CHD5: variants seen among roughly 807,000 people sequenced by gnomAD.
CHD5 encodes chromodomain helicase DNA binding protein 5.
A neutral mutation model predicts 230.3 loss-of-function variants in CHD5; 69 were observed. The observed-to-expected ratio is 0.30, with a 90% CI of 0.25 to 0.37. The LOEUF (loss-of-function observed/expected upper bound fraction) is 0.37. CHD5 is among the 10% of genes least tolerant of loss of function. CHD5 has a pLI of 1.00. For synonymous variants in CHD5, 1,064 were observed against 1,065.9 expected (o/e 1.00, Z 0.03); for missense variants, 1,827 against 2,622.8 (o/e 0.70, Z 6.63).
chr1:6,136,381 A>C, intron 17 of CHD5, 136 bp downstream of exon 17: 1 of 988,154 alleles, frequency 1.0e-6, no homozygotes, highest in Non-Finnish European at 1.5e-6. Context: ...AAGCGGGGAC[A>C]TTGCTAATGC....
chr1:6,151,271 T>C, intron 6 of CHD5, 116 bp from the exon 7 acceptor site: 2 of 1,248,066 alleles, frequency 1.6e-6, no homozygotes, highest in Admixed American at 2.8e-5. Context: ...CAGTGCTCTC[T>C]GTGATTCATC....
chr1:6,150,928 G>T, intron 7 of CHD5, 104 bp downstream of exon 7: 1 of 1,326,224 alleles, frequency 7.5e-7, no homozygotes, highest in Non-Finnish European at 9.9e-7. Context: ...TCCATGCCCC[G>T]CACATCCACC....
chr1:6,150,928 G>A lies in CHD5; in HGVS notation c.994+104C>T, dbSNP rs1434096254. On this transcript the variant is annotated intron_variant, in intron 7 of 41. Coordinates refer to ENST00000262450, the MANE Select transcript of CHD5 (RefSeq NM_015557.3). ...TTCCCACGGGGAGGTTCCATGCCCC[G>A]CACATCCACCCGGCAGGCCGAGAAC... 4.5e-5 allele frequency: 60 copies of A among 1,326,106 alleles called. No individual in the cohort carries two copies. The East Asian group carries it at 6.6e-4, about 15-fold the overall frequency. The allele number at this position is 1,326,106 out of a possible 1,614,324, so 82.1% of individuals were successfully genotyped here.
intron 37 of CHD5, 58 bp from the exon 38 acceptor site, chr1:6,110,048 C>T: frequency 7.1e-7 from 1 of 1,406,354 alleles, no homozygotes; most frequent in South Asian, 1.5e-5. Flanking sequence ...ACCCTCCGTG[C>T]TCCACCAGCG....
chr1:6,154,959 C>T lies in CHD5; in HGVS notation c.507-61G>A. ...CAGGTGAGATGAGAGGCCCACCCGA[C>T]CCCCGGCAGGGCCCACCCCTCTGCC... On this transcript the variant is annotated intron_variant, in intron 4 of 41. Coordinates refer to ENST00000262450, the MANE Select transcript of CHD5 (RefSeq NM_015557.3). The surrounding 1 kb of genome is among the most constrained non-coding windows in gnomAD (Gnocchi z 7.0). The T allele has an allele frequency of 6.8e-7, 1 of 1,463,290 alleles. No individual in the cohort carries two copies. Among genetic ancestry groups the T allele is most frequent in the Admixed American group, 1.8e-5 (1 of 54,708 alleles). The allele number at this position is 1,463,290 out of a possible 1,614,324, so 90.6% of individuals were successfully genotyped here.
At chr1:6,136,419 G>A in intron 17 of CHD5, 98 bp downstream of exon 17, 3 of 1,404,304 alleles carry the variant, frequency 2.1e-6, no homozygotes, top group Non-Finnish European at 3.0e-6. Context: ...GGAAGCAACG[G>A]CCGAGCAGGT....
At chr1:6,112,111 G>C in intron 35 of CHD5, 29 bp downstream of exon 35, 1 of 1,608,498 alleles carries the variant, frequency 6.2e-7, no homozygotes, top group Admixed American at 1.7e-5. Flanking sequence ...GGAAGCCTCA[G>C]CTCTCTGCCC....
intron 6 of CHD5, among the ~76,000 whole-genome samples, chr1:6,151,860 A>C (rs1667013478): frequency 6.6e-6 from 1 of 152,156 alleles, no homozygotes; most frequent in African/African-American, 2.4e-5. Context: ...AATGCCCCTC[A>C]CACTCACAGA....
Position 6,134,090 on chromosome 1 carries a change from G to A in CHD5, c.3144+38C>T. 6.3e-7 allele frequency: 1 copy of A among 1,597,890 alleles called. No individual in the cohort carries two copies. The highest frequency in any genetic ancestry group is 1.7e-4 in the Middle Eastern group (1 of 5,874). ...ATCAGGGCAGGATGCTCTCTGTGGG[G>A]TGTGGAGCCGGGGCGGGGGTGGGCA... On this transcript the variant is annotated intron_variant, in intron 20 of 41. Transcript: ENST00000262450. This position sits in a 1 kb window ranked among gnomAD's most constrained non-coding sequence, Gnocchi z 6.3.
intron 17 of CHD5, 60 bp downstream of exon 17, chr1:6,136,457 G>A (rs7513548): frequency 0.43 from 688,999 of 1,594,072 alleles, 156,087 homozygotes; most frequent in East Asian, 0.83. Context: ...CTATTGATCC[G>A]TCTTCACTGG....
chr1:6,135,320 T>C lies in CHD5; in HGVS notation c.2780A>G (p.His927Arg). ...GTCAGCCTTGAGCCGCCTGAGCATG[T>C]GCGGCCCCAGCAGGTCATGCAGCTT... ...IKKLHDLLGP[H>R]MLRRLKADVF... The change falls in exon 18 of 42, where the codon CAC (histidine) becomes CGC (arginine). Residue 927 changes from histidine to arginine, a missense_variant. Physicochemically the swap from His to Arg is conservative, Grantham distance 29. This residue lies in a region of CHD5 where 52 missense variants were observed against 164.5 expected (regional missense o/e 0.32). Coordinates refer to ENST00000262450, the MANE Select transcript of CHD5 (RefSeq NM_015557.3). The C allele has an allele frequency of 6.2e-7, 1 of 1,614,130 alleles. No individual in the cohort carries two copies. The highest frequency in any genetic ancestry group is 8.5e-7 in the Non-Finnish European group (1 of 1,180,028).
Position 6,124,031 on chromosome 1 carries a change from G to A in CHD5, c.4616C>T (p.Ser1539Leu), listed in dbSNP as rs750463410. The change falls in exon 31 of 42, where the codon TCG becomes TTG. Residue 1539 changes from serine (S) to leucine (L), a missense_variant. Ser to Leu is a moderately radical substitution (Grantham distance 145). Transcript: ENST00000262450. Reference sequence around the variant, plus strand: ...GGGGTCCGAGGAGATCACCTCGCCCGACTTCTTCCCCTCGGGCCCCTCAGG... The same window carrying A: ...GGGGTCCGAGGAGATCACCTCGCCCAACTTCTTCCCCTCGGGCCCCTCAGG... ...LIPEGPEGKK[S>L]GEVISSDPNT... 9 of 1,613,076 alleles carry A rather than the reference G, an allele frequency of 5.6e-6. No individual in the cohort carries two copies. Among genetic ancestry groups the A allele is most frequent in the East Asian group, 4.5e-5 (2 of 44,684 alleles).
intron 16 of CHD5, 22 bp downstream of exon 16, chr1:6,136,706 T>C (rs1192504475): frequency 6.2e-7 from 1 of 1,610,488 alleles, no homozygotes; most frequent in Admixed American, 1.7e-5. Context: ...AGCTCTGGGG[T>C]CTGGCGGCCA....
chr1:6,150,629 G>A (rs968192360), intron 7 of CHD5, among the ~76,000 whole-genome samples: 1 of 152,118 alleles, frequency 6.6e-6, no homozygotes, highest in African/African-American at 2.4e-5. Context: ...GGGACTGAGG[G>A]AAGGAGGGAG....
Position 6,124,668 on chromosome 1 carries a change from T to TGGGGG in CHD5, c.4395-12_4395-8dup. On this transcript the variant is annotated splice_region_variant and splice_polypyrimidine_tract_variant and intron_variant, in intron 29 of 41. Transcript: ENST00000262450. ...GAAGAGGGACACATAGGCTCTGGGGTGGGGGGGGGGGACTGGGGCTCAGGG... is the reference window on the plus strand; with the variant it reads ...GAAGAGGGACACATAGGCTCTGGGGTGGGGGGGGGGGGGGGGACTGGGGCTCAGGG... 2.4e-6 allele frequency: 1 copy of TGGGGG among 424,374 alleles called. No individual in the cohort carries two copies. Among genetic ancestry groups the TGGGGG allele is most frequent in the African/African-American group, 3.3e-5 (1 of 29,894 alleles). The allele number at this position is 424,374 out of a possible 1,614,324, so 26.3% of individuals were successfully genotyped here. A position where few individuals can be genotyped will look rare whatever the true frequency, so the allele number is the denominator to read the frequency against.
chr1:6,115,616 G>A (rs1436546952), intron 33 of CHD5, among the ~76,000 whole-genome samples: 3 of 152,336 alleles, frequency 2.0e-5, no homozygotes. Flanking sequence ...TGCTGAAAAC[G>A]GACCCAGCTG....
At chr1:6,147,223 A>G (rs553896110) in intron 9 of CHD5, among the ~76,000 whole-genome samples, 13 of 152,312 alleles carry the variant, frequency 8.5e-5, no homozygotes, top group African/African-American at 2.9e-4. Flanking sequence ...GGAGCAGAAC[A>G]TGAGATTCTG....
At chr1:6,153,218 G>A (rs7533861) in intron 5 of CHD5, among the ~76,000 whole-genome samples, 10,997 of 152,264 alleles carry the variant, frequency 0.072, 439 homozygotes, top group South Asian at 0.12. Context: ...CCTCCATGGC[G>A]CCGCGGAAAA....
At chr1:6,166,765 C>G (rs1348820249) in intron 2 of CHD5, among the ~76,000 whole-genome samples, 1 of 152,098 alleles carries the variant, frequency 6.6e-6, no homozygotes, top group African/African-American at 2.4e-5. Flanking sequence ...GGGACCCTCG[C>G]CCCCCACCAC....
Sources: gnomAD v4.1 joint callset for allele counts (sites outside exome capture counted in the v4.1 genomes callset) on GRCh38, gnomAD v4.1.1 for gene constraint, gnomAD v4.1.1 regional missense constraint, Gnocchi (gnomAD v3.1) non-coding constraint, MANE v1.5 for transcripts, NCBI Gene and HGNC (gene_info 2026-07-23, HGNC 2026-07-21) for gene names.